Variants in PTPRF observed in about 807,000 individuals in gnomAD.
PTPRF encodes receptor-type tyrosine-protein phosphatase F.
In PTPRF, 59 loss-of-function variants were observed where a neutral mutation model predicts 201.8. The observed-to-expected ratio is 0.29, with a 90% confidence interval of 0.24 to 0.36. The LOEUF is 0.36. PTPRF is among the 10% of genes least tolerant of loss of function. The pLI is 1.00. For synonymous variants in PTPRF, 1,088 were observed against 1,089.7 expected (o/e 1.00, Z 0.03); for missense variants, 2,132 against 2,690.5 (o/e 0.79, Z 4.59).
chr1:43,530,391 C>T (rs1570827694), upstream of PTPRF, among the ~76,000 whole-genome samples: 1 of 151,994 alleles, frequency 6.6e-6, no homozygotes, highest in East Asian at 1.9e-4. This position sits in a 1 kb window ranked among gnomAD's most constrained non-coding sequence, Gnocchi z 4.1. Context: ...TTGGTGCTAG[C>T]GTCACTATCA....
chr1:43,553,604 G>C lies in PTPRF; in HGVS notation c.204G>C (p.Lys68Asn). Residue 68 changes from lysine to asparagine, a missense_variant, in exon 4 of 34, where the codon AAG (lysine) becomes AAC (asparagine). Coordinates refer to ENST00000359947, the MANE Select transcript of PTPRF (RefSeq NM_002840.5). The surrounding 1 kb of genome is among the most constrained non-coding windows in gnomAD (Gnocchi z 4.1). Reference sequence around the variant, plus strand: ...CCAAGCCGCGCATCACATGGATGAAGAAGGGGAAGAAAGTCAGCTCCCAGC... The same window carrying C: ...CCAAGCCGCGCATCACATGGATGAACAAGGGGAAGAAAGTCAGCTCCCAGC... ...GEPKPRITWM[K>N]KGKKVSSQRF... 1 of 1,614,196 alleles carries C rather than the reference G, an allele frequency of 6.2e-7. No homozygotes were observed.
chr1:43,615,237 C>T (rs1472958071), intron 23 of PTPRF, among the ~76,000 whole-genome samples: 3 of 152,200 alleles, frequency 2.0e-5, no homozygotes, highest in African/African-American at 7.2e-5. Flanking sequence ...CCTATAGGGC[C>T]CCCCTGGGGC....
intron 11 of PTPRF, 44 bp from the exon 12 acceptor site, chr1:43,597,704 C>T (rs1570480289): frequency 1.5e-6 from 2 of 1,309,094 alleles, no homozygotes; most frequent in East Asian, 2.5e-5. Context: ...GCCTGTGATC[C>T]CCACCCTCCA....
At chr1:43,551,977 G>T (rs540138266) in intron 3 of PTPRF, among the ~76,000 whole-genome samples, 1 of 151,830 alleles carries the variant, frequency 6.6e-6, no homozygotes, top group African/African-American at 2.4e-5. Flanking sequence ...TCCCTACCCC[G>T]CTCCCATAGA....
intron 5 of PTPRF, among the ~76,000 whole-genome samples, chr1:43,562,768 G>T (rs79472516): frequency 0.029 from 4,385 of 152,182 alleles, 215 homozygotes; most frequent in African/African-American, 0.099. Context: ...GGTCCGTGTG[G>T]GTGCATAGTG....
At chr1:43,577,195 C>A (rs1042435010) in intron 6 of PTPRF, among the ~76,000 whole-genome samples, 3 of 152,216 alleles carry the variant, frequency 2.0e-5, no homozygotes, top group Non-Finnish European at 2.9e-5. Context: ...CCACCCACAC[C>A]CCCCTGCCTC....
chr1:43,621,904 A>C (rs1570767494), intron 33 of PTPRF, 31 bp from the exon 34 acceptor site: 1 of 1,611,724 alleles, frequency 6.2e-7, no homozygotes, highest in South Asian at 1.1e-5. Context: ...CACTGGCGCG[A>C]CCCACACTGA....
In PTPRF at chr1:43,553,774, G is replaced by GTCC; in HGVS notation, c.238-25_238-24insCCT. The GTCC allele has an allele frequency of 6.2e-7, 1 of 1,613,986 alleles. No individual in the cohort carries two copies. Among genetic ancestry groups the GTCC allele is most frequent in the Non-Finnish European group, 8.5e-7 (1 of 1,179,962 alleles). ...CAGGCTCCTGTGTCCTGAGTAGGCT[G>GTCC]TGACCCCATGTCTGTCCTCTGACAG... On this transcript the variant is annotated intron_variant, in intron 4 of 33. Transcript: ENST00000359947. This position sits in a 1 kb window ranked among gnomAD's most constrained non-coding sequence, Gnocchi z 4.1.
chr1:43,547,929 T>C (rs1267164327), intron 3 of PTPRF, among the ~76,000 whole-genome samples: 1 of 152,128 alleles, frequency 6.6e-6, no homozygotes, highest in African/African-American at 2.4e-5. Flanking sequence ...TTTTTGCTGA[T>C]CTCAAGTGCG....
intron 1 of PTPRF, among the ~76,000 whole-genome samples, chr1:43,531,792 T>G (rs891854787): frequency 2.6e-5 from 4 of 152,020 alleles, no homozygotes; most frequent in African/African-American, 9.7e-5. Context: ...ACGTGGCCAC[T>G]CGGACCCTCT....
At chr1:43,594,969 ATGC>A (rs1435394553) in intron 11 of PTPRF, among the ~76,000 whole-genome samples, 5 of 152,148 alleles carry the variant, frequency 3.3e-5, no homozygotes, top group Non-Finnish European at 5.9e-5. Flanking sequence ...ACTAGACGAG[ATGC>A]TGCTGAGCGG....
intron 1 of PTPRF, among the ~76,000 whole-genome samples, chr1:43,536,743 ACT>A (rs1644038412): frequency 6.6e-6 from 1 of 151,658 alleles, no homozygotes; most frequent in Non-Finnish European, 1.5e-5. Context: ...GCTGCTGGAA[ACT>A]CAGCTTGGGG....
intron 3 of PTPRF, among the ~76,000 whole-genome samples, chr1:43,551,273 G>A (rs1399148810): frequency 1.3e-5 from 2 of 151,966 alleles, no homozygotes; most frequent in Non-Finnish European, 2.9e-5. Context: ...TGTGGGGGAA[G>A]AGTGCACGGT....
chr1:43,569,219 G>GCCCCCCCCCCCCCCCCCCCCC (rs11313129), intron 5 of PTPRF, among the ~76,000 whole-genome samples: 10 of 137,840 alleles, frequency 7.3e-5, no homozygotes, highest in Admixed American at 2.1e-4. Flanking sequence ...CTCCCTGCTA[G>GCCCCCCCCCCCCCCCCCCCCC]CCCCCCCCCC....
intron 23 of PTPRF, among the ~76,000 whole-genome samples, chr1:43,615,852 A>G (rs909471117): frequency 5.9e-5 from 9 of 152,150 alleles, no homozygotes; most frequent in South Asian, 2.1e-4. Context: ...GGCGTGAGCC[A>G]CTGCACCAGG....
At position 43,618,720 on chromosome 1, in the gene PTPRF, T is replaced by C. The variant is rs371587895; in HGVS notation, c.4462T>C (p.Tyr1488His). ...TLLDTVELAT[Y>H]TVRTFALHKS... Reference sequence around the variant, plus strand: ...GTTGGACACAGTGGAGCTGGCCACATACACTGTGCGCACCTTCGCACTCCA... The same window carrying C: ...GTTGGACACAGTGGAGCTGGCCACACACACTGTGCGCACCTTCGCACTCCA... The change falls in exon 26 of 34, where the codon TAC becomes CAC. Residue 1488 changes from tyrosine (Y) to histidine (H), a missense_variant. Transcript: ENST00000359947. 123 of 1,610,866 alleles carry C rather than the reference T, an allele frequency of 7.6e-5. No homozygotes were observed. Among genetic ancestry groups the C allele is most frequent in the Non-Finnish European group, 9.7e-5 (114 of 1,177,502 alleles).
At chr1:43,611,720 G>A (rs1656502079) in intron 22 of PTPRF, among the ~76,000 whole-genome samples, 1 of 152,200 alleles carries the variant, frequency 6.6e-6, no homozygotes, top group Non-Finnish European at 1.5e-5. Context: ...GTGAAAGGTG[G>A]CAGTGGGAAC....
At chr1:43,601,983 C>G in intron 13 of PTPRF, 88 bp from the exon 14 acceptor site, 1 of 1,501,068 alleles carries the variant, frequency 6.7e-7, no homozygotes, top group East Asian at 2.3e-5. Context: ...TCTGTCCTCC[C>G]TGGGCAAGGT....
At chr1:43,585,948 G>T (rs767613276) in intron 7 of PTPRF, among the ~76,000 whole-genome samples, 1 of 152,114 alleles carries the variant, frequency 6.6e-6, no homozygotes, top group Non-Finnish European at 1.5e-5. Context: ...CCTTACGCCC[G>T]CTGGAGCAGC....
Sources: gnomAD v4.1 joint callset for allele counts (sites outside exome capture counted in the v4.1 genomes callset) on GRCh38, gnomAD v4.1.1 for gene constraint, Gnocchi (gnomAD v3.1) non-coding constraint, MANE v1.5 for transcripts, NCBI Gene and HGNC (gene_info 2026-07-23, HGNC 2026-07-21) for gene names.